The following ATG7 variants were observed in gnomAD, a reference collection of about 807,000 sequenced individuals.
ATG7 encodes the protein ubiquitin-like modifier-activating enzyme ATG7.
In ATG7, 70 loss-of-function variants were observed where a neutral mutation model predicts 82.4. The ratio of observed to expected loss-of-function variants is 0.85; its 90% confidence interval spans 0.70 to 1.04. ATG7 has a LOEUF of 1.04. ATG7 is among the 50% of genes least tolerant of loss of function. ATG7 has a pLI of 0.00. For synonymous variants in ATG7, 287 were observed against 313.0 expected, an observed-to-expected ratio of 0.92 and a Z score of 0.88; for missense variants, 792 against 864.3, an observed-to-expected ratio of 0.92 and a Z score of 1.05.
At chr3:11,438,863 T>C (rs897652729) in intron 20 of ATG7, among the ~76,000 whole-genome samples, 1 of 152,056 alleles carries the variant, frequency 6.6e-6, no homozygotes, top group Non-Finnish European at 1.5e-5. Context: ...ACATCAGCAG[T>C]GGAGGCTTCC....
At chr3:11,538,824 A>G (rs1243358822) in intron 20 of ATG7, among the ~76,000 whole-genome samples, 1 of 148,886 alleles carries the variant, frequency 6.7e-6, no homozygotes, top group Non-Finnish European at 1.5e-5. Flanking sequence ...GCAGTGAGCT[A>G]TGATTGTGCC....
chr3:11,465,358 T>C (rs1402954888), intron 20 of ATG7, among the ~76,000 whole-genome samples: 2 of 150,234 alleles, frequency 1.3e-5, no homozygotes, highest in Admixed American at 6.7e-5. Context: ...GGCAGGAGAA[T>C]GGCGTGAATC....
intron 18 of ATG7, among the ~76,000 whole-genome samples, chr3:11,371,942 C>A (rs992108380): frequency 2.6e-5 from 4 of 151,360 alleles, no homozygotes; most frequent in Non-Finnish European, 4.4e-5. Context: ...CCGGACCACA[C>A]GCTGTCCAGC....
intron 16 of ATG7, among the ~76,000 whole-genome samples, chr3:11,362,303 CAG>C (rs1306302248): frequency 6.6e-6 from 1 of 152,216 alleles, no homozygotes; most frequent in Non-Finnish European, 1.5e-5. Flanking sequence ...TAGAATCACA[CAG>C]AGAGGTGATG....
intron 20 of ATG7, among the ~76,000 whole-genome samples, chr3:11,483,737 T>C (rs1288335117): frequency 6.6e-6 from 1 of 152,220 alleles, no homozygotes; most frequent in Non-Finnish European, 1.5e-5. Context: ...ATCGGAGGAC[T>C]CACAGATGTT....
rs1333705725 is a variant in ATG7, at chr3:11,556,060, T to C, written c.*1217T>C. The C allele has an allele frequency of 6.5e-6, 1 of 152,758 alleles. No homozygotes were observed. Among genetic ancestry groups the C allele is most frequent in the Non-Finnish European group, 1.5e-5 (1 of 68,036 alleles). 9.5% of individuals were successfully genotyped at this position (152,758 alleles called of 1,614,324 possible). A position where few individuals can be genotyped will look rare whatever the true frequency, so the allele number is the denominator to read the frequency against. ...CAGCCTGGCGCTGAAACTGCACACG[T>C]ACACTATGTGGTTTAAGAGCACTTT... On this transcript the variant is annotated 3_prime_UTR_variant, in exon 21 of 21. Coordinates refer to ENST00000693202, the MANE Select transcript of ATG7 (RefSeq NM_001349232.2).
At chr3:11,476,161 A>T (rs758956010) in intron 20 of ATG7, among the ~76,000 whole-genome samples, 16 of 152,258 alleles carry the variant, frequency 1.1e-4, no homozygotes, top group Non-Finnish European at 2.2e-4. Flanking sequence ...TGGACCTCAA[A>T]ACTGATGTCA....
chr3:11,384,782 GAAATC>G (rs2078189027), intron 19 of ATG7, among the ~76,000 whole-genome samples: 1 of 151,958 alleles, frequency 6.6e-6, no homozygotes, highest in Non-Finnish European at 1.5e-5. Context: ...GTAACATGGT[GAAATC>G]CTGCCTCTAC....
chr3:11,318,250 C>T (rs997327792), intron 9 of ATG7, among the ~76,000 whole-genome samples: 9 of 152,270 alleles, frequency 5.9e-5, no homozygotes, highest in Middle Eastern at 6.8e-3. Flanking sequence ...CCTGGAATTA[C>T]TCAGCACACG....
rs34065629 is a variant in ATG7, at chr3:11,503,755, CAAAA to C, written c.2080-51036_2080-51033del. On this transcript the variant is annotated intron_variant, in intron 20 of 20. Transcript: ENST00000693202. ...TGGGCAACAGACCGAGACTCTGTCT[CAAAA>C]AAAAAAAAAAAAAAAAAAATCAAAT... is the stretch of plus-strand genomic sequence containing the variant. 2.5e-3 allele frequency among the ~76,000 whole-genome samples: 190 copies of C among 76,964 alleles called. 1 individual carries two copies. Among genetic ancestry groups the C allele is most frequent in the African/African-American group, 8.9e-3 (176 of 19,826 alleles). The allele number at this position is 76,964 out of a possible 152,430, so 50.5% of individuals were successfully genotyped here.
intron 19 of ATG7, among the ~76,000 whole-genome samples, chr3:11,392,503 G>T (rs1483628477): frequency 6.6e-6 from 1 of 151,068 alleles, no homozygotes. Context: ...AAAAACAAAA[G>T]CTTAGGTATC....
At chr3:11,329,156 A>G (rs557660894) in intron 9 of ATG7, among the ~76,000 whole-genome samples, 2 of 152,288 alleles carry the variant, frequency 1.3e-5, no homozygotes, top group South Asian at 2.1e-4. Context: ...GTTTGTTTCA[A>G]AGTCCTAGTA....
chr3:11,485,277 T>C (rs2089489882), intron 20 of ATG7, among the ~76,000 whole-genome samples: 1 of 152,266 alleles, frequency 6.6e-6, no homozygotes, highest in Non-Finnish European at 1.5e-5. Context: ...TGATTTGCAT[T>C]TCTCTGATAG....
rs758437599 is a variant in ATG7 at position 11,298,811 on chromosome 3, G to A, written c.116G>A (p.Arg39Gln). 17 of 1,614,124 alleles carry A rather than the reference G, an allele frequency of 1.1e-5. No homozygotes were observed. The highest frequency in any genetic ancestry group is 3.3e-5 in the South Asian group (3 of 91,074). ...ACCCAGAAGAAGCTGAACGAGTATCGGCTGGATGAAGCTCCCAAGGACATT... is the reference window on the plus strand; with the variant it reads ...ACCCAGAAGAAGCTGAACGAGTATCAGCTGGATGAAGCTCCCAAGGACATT... ...ELTQKKLNEY[R>Q]LDEAPKDIKG... Residue 39 changes from arginine to glutamine, a missense_variant, in exon 4 of 21, where the codon CGG (arginine) becomes CAG (glutamine). Physicochemically the swap from Arg to Gln is conservative, Grantham distance 43 (BLOSUM62 1). Transcript: ENST00000693202.
chr3:11,489,535 T>C (rs74350364), intron 20 of ATG7, among the ~76,000 whole-genome samples: 100,325 of 136,002 alleles, frequency 0.74, 37,606 homozygotes, highest in East Asian at 0.97. Flanking sequence ...AATGTGTTTG[T>C]TCTTGCTTTT....
chr3:11,433,467 A>C (rs2083095159), intron 20 of ATG7, among the ~76,000 whole-genome samples: 1 of 152,120 alleles, frequency 6.6e-6, no homozygotes, highest in Admixed American at 6.6e-5. Context: ...ATTTGTTCCA[A>C]CTGTGGGTTC....
intron 14 of ATG7, among the ~76,000 whole-genome samples, chr3:11,356,855 T>C (rs1351425666): frequency 6.6e-6 from 1 of 152,194 alleles, no homozygotes; most frequent in East Asian, 1.9e-4. Context: ...TTAAAATAGA[T>C]GTGTGCTGTG....
intron 19 of ATG7, among the ~76,000 whole-genome samples, chr3:11,393,140 G>T (rs977529244): frequency 2.6e-5 from 4 of 152,114 alleles, no homozygotes; most frequent in Non-Finnish European, 5.9e-5. Flanking sequence ...AAAGTGTTAG[G>T]CTGCCTGGTT....
At chr3:11,444,875 C>T (rs935264284) in intron 20 of ATG7, among the ~76,000 whole-genome samples, 2 of 140,360 alleles carry the variant, frequency 1.4e-5, no homozygotes, top group Non-Finnish European at 3.2e-5. Flanking sequence ...AAGGAAAAAA[C>T]CCCATTAAAA....
Sources: allele counts gnomAD v4.1 joint callset (sites outside exome capture counted in the v4.1 genomes callset), GRCh38; gene constraint gnomAD v4.1.1; transcripts MANE v1.5; gene names NCBI Gene and HGNC (gene_info 2026-07-23, HGNC 2026-07-21).